Variants in AGRP observed in about 807,000 individuals in gnomAD.
The protein encoded by AGRP is agouti-related protein.
Under a neutral mutation model 13.6 loss-of-function variants are expected in AGRP, and 8 were observed. That is an observed-to-expected ratio of 0.59 (90% confidence interval 0.35 to 1.06). The LOEUF (loss-of-function observed/expected upper bound fraction) is 1.06. Among genes scored for constraint, AGRP ranks in the 50% least tolerant of loss-of-function variants. AGRP has a pLI of 0.02. For synonymous variants in AGRP, 63 were observed against 72.4 expected (o/e 0.87, Z 0.66); for missense variants, 155 against 174.8 (o/e 0.89, Z 0.64).
chr16:67,482,621 C>T lies in AGRP; in HGVS notation c.*15G>A. Reference sequence around the variant, plus strand: ...TCCTTGCCCCTACCCTAGCCCCGACCCTGACGTTGGCCAGCTAGGTGCGGC... The same window carrying T: ...TCCTTGCCCCTACCCTAGCCCCGACTCTGACGTTGGCCAGCTAGGTGCGGC... On this transcript the variant is annotated 3_prime_UTR_variant, in exon 4 of 4. Transcript: ENST00000290953. 1 of 1,614,136 alleles carries T rather than the reference C, an allele frequency of 6.2e-7. No homozygotes were observed.
intron 3 of AGRP, 96 bp downstream of exon 3, chr16:67,482,929 C>T (rs2041518257): frequency 3.8e-6 from 6 of 1,565,528 alleles, no homozygotes; most frequent in African/African-American, 1.4e-5. Context: ...TCGGTAGTGT[C>T]GTCGCTGGTG....
intron 3 of AGRP, 45 bp from the exon 4 acceptor site, chr16:67,482,863 G>C (rs771375426): frequency 1.2e-6 from 2 of 1,609,272 alleles, no homozygotes; most frequent in Admixed American, 3.3e-5. Flanking sequence ...GACAGATCCA[G>C]GGATCTTACC....
rs140670389 is a variant in AGRP, at chr16:67,482,750, C to T, written c.285G>A (p.Leu95=). 85 of 1,614,096 alleles carry T rather than the reference C, an allele frequency of 5.3e-5. No homozygotes were observed. The highest frequency in any genetic ancestry group is 6.9e-5 in the Non-Finnish European group (81 of 1,180,046). The change falls in exon 4 of 4, where the codon CTG becomes CTA. Residue 95 remains leucine, a synonymous_variant. Coordinates refer to ENST00000290953, the MANE Select transcript of AGRP (RefSeq NM_001138.2). ...RRCVRLHESC[L]GQQVPCCDPC... ...GGTCACAGCAAGGCACCTGCTGTCC[C>T]AGGCAGGACTCATGCAGCCTTACGC...
Position 67,483,363 on chromosome 16 carries a change from C to T in AGRP, c.36G>A (p.Leu12=), listed in dbSNP as rs1175270547. ...CTCCTCGCGTGGCAGGCAGTGCCAG[C>T]AGCAGGGCACAGCTCAGCACCGCTG... ...LTAAVLSCAL[L]LALPATRGAQ... is the part of the protein sequence containing the mutation. The change falls in exon 2 of 4, where the codon CTG becomes CTA. Residue 12 remains leucine (L), a synonymous_variant. Transcript: ENST00000290953. 2 of 1,545,988 alleles carry T rather than the reference C, an allele frequency of 1.3e-6. No individual in the cohort carries two copies. The highest frequency in any genetic ancestry group is 2.0e-5 in the Admixed American group (1 of 49,182).
Position 67,482,576 on chromosome 16 carries a change from T to C in AGRP, c.*60A>G, listed in dbSNP as rs1317066007. On this transcript the variant is annotated 3_prime_UTR_variant, in exon 4 of 4. Coordinates refer to ENST00000290953, the MANE Select transcript of AGRP (RefSeq NM_001138.2). ...GAAATAACCACAGCCTTGGGGTTGGTCCCATCCTTTATTCGAGTTTCCTTG... is the reference window on the plus strand; with the variant it reads ...GAAATAACCACAGCCTTGGGGTTGGCCCCATCCTTTATTCGAGTTTCCTTG... 2 of 1,596,232 alleles carry C rather than the reference T, an allele frequency of 1.3e-6. No individual in the cohort carries two copies. The highest frequency in any genetic ancestry group is 2.7e-5 in the African/African-American group (2 of 74,464).
chr16:67,483,145 G>A (rs1307087944), intron 2 of AGRP, 35 bp from the exon 3 acceptor site: 5 of 1,612,090 alleles, frequency 3.1e-6, no homozygotes, highest in South Asian at 1.1e-5. Context: ...GAACCCCCAT[G>A]CACAAAGCAC....
Position 67,482,787 on chromosome 16 carries a change from G to A in AGRP, c.248C>T (p.Ser83Phe). 6.2e-7 allele frequency: 1 copy of A among 1,614,146 alleles called. No individual in the cohort carries two copies. Among genetic ancestry groups the A allele is most frequent in the Non-Finnish European group, 8.5e-7 (1 of 1,180,022 alleles). Residue 83 changes from serine to phenylalanine, a missense_variant, in exon 4 of 4, where the codon TCC becomes TTC. Transcript: ENST00000290953. ...ATGCAGCCTTACGCAGCGACGTGAGGAGCGGGGCTCGCGGTCCTGCAGGTC... is the reference window on the plus strand; with the variant it reads ...ATGCAGCCTTACGCAGCGACGTGAGAAGCGGGGCTCGCGGTCCTGCAGGTC... ...VLDLQDREPR[S>F]SRRCVRLHES...
chr16:67,482,936 G>A, intron 3 of AGRP, 89 bp downstream of exon 3: 1 of 1,564,966 alleles, frequency 6.4e-7, no homozygotes, highest in Non-Finnish European at 8.8e-7. Context: ...TGTCGTCGCT[G>A]GTGAGGGAGT....
Position 67,482,627 on chromosome 16 carries a change from G to A in AGRP, c.*9C>T, listed in dbSNP as rs746966710. On this transcript the variant is annotated 3_prime_UTR_variant, in exon 4 of 4. Coordinates refer to ENST00000290953, the MANE Select transcript of AGRP (RefSeq NM_001138.2). Reference sequence around the variant, plus strand: ...CCCCTACCCTAGCCCCGACCCTGACGTTGGCCAGCTAGGTGCGGCTGCAGG... The same window carrying A: ...CCCCTACCCTAGCCCCGACCCTGACATTGGCCAGCTAGGTGCGGCTGCAGG... The A allele has an allele frequency of 6.2e-6, 10 of 1,613,998 alleles. No homozygotes were observed. Among genetic ancestry groups the A allele is most frequent in the South Asian group, 3.3e-5 (3 of 91,086 alleles).
intron 3 of AGRP, 80 bp from the exon 4 acceptor site, chr16:67,482,898 G>A (rs2041517143): frequency 2.5e-6 from 4 of 1,582,462 alleles, no homozygotes; most frequent in East Asian, 4.5e-5. Context: ...CAGGATGGCA[G>A]TGGAGCATGG....
At chr16:67,483,428 TAG>T in intron 1 of AGRP, 27 bp from the exon 2 acceptor site, 1 of 1,494,970 alleles carries the variant, frequency 6.7e-7, no homozygotes, top group East Asian at 2.3e-5. Flanking sequence ...ATGTACCACT[TAG>T]TCCCTCCTTA....
Position 67,483,377 on chromosome 16 carries a change from TC to T in AGRP, c.21del (p.Ser8AlafsTer44). 1 of 1,530,566 alleles carries T rather than the reference TC, an allele frequency of 6.5e-7. No individual in the cohort carries two copies. The highest frequency in any genetic ancestry group is 8.8e-7 in the Non-Finnish European group (1 of 1,140,380). The allele number at this position is 1,530,566 out of a possible 1,614,324, so 94.8% of individuals were successfully genotyped here. A position where few individuals can be genotyped will look rare whatever the true frequency, so the allele number is the denominator to read the frequency against. On this transcript the variant is annotated frameshift_variant, in exon 2 of 4. Transcript: ENST00000290953. LOFTEE classifies it high-confidence loss of function. MLTAAV[L>X]SCALLLALPA... ...GGCAGTGCCAGCAGCAGGGCACAGCTCAGCACCGCTGCGGTCAGCATGGCCT... is the reference window on the plus strand; with the variant it reads ...GGCAGTGCCAGCAGCAGGGCACAGCTAGCACCGCTGCGGTCAGCATGGCCT...
rs200972106 is a variant in AGRP at position 67,482,700 on chromosome 16, A to T, written c.335T>A (p.Phe112Tyr). ...CDPCATCYCR[F>Y]FNAFCYCRKL... ...GCGGCAGTAGCAGAAGGCATTGAAG[A>T]AGCGGCAGTAGCACGTGGCACATGG... The change falls in exon 4 of 4, where the codon TTC becomes TAC. Residue 112 changes from phenylalanine (F) to tyrosine (Y), a missense_variant. Transcript: ENST00000290953. 42 of 1,614,208 alleles carry T rather than the reference A, an allele frequency of 2.6e-5. No individual in the cohort carries two copies. The East Asian group carries it at 9.1e-4, about 35-fold the overall frequency.
In AGRP at chr16:67,482,693, A is replaced by G. The variant is rs199826914; in HGVS notation, c.342T>C (p.Asn114=). ...PCATCYCRFF[N]AFCYCRKLGT... is the part of the protein sequence containing the mutation. ...CCAGCTTGCGGCAGTAGCAGAAGGC[A>G]TTGAAGAAGCGGCAGTAGCACGTGG... The change falls in exon 4 of 4, where the codon AAT becomes AAC. Residue 114 remains asparagine (N), a synonymous_variant. Transcript: ENST00000290953. The G allele has an allele frequency of 2.6e-4, 412 of 1,614,188 alleles. 4 individuals are homozygous for G. In the South Asian group the frequency reaches 2.9e-3, roughly 11 times the overall value.
chr16:67,482,904 C>T lies in AGRP; in HGVS notation c.217-86G>A, dbSNP rs2041517398. On this transcript the variant is annotated intron_variant, in intron 3 of 3. Coordinates refer to ENST00000290953, the MANE Select transcript of AGRP (RefSeq NM_001138.2). Reference sequence around the variant, plus strand: ...CAACCTGTGCAGGATGGCAGTGGAGCATGGGAAGGGGTGGTCGGTAGTGTC... The same window carrying T: ...CAACCTGTGCAGGATGGCAGTGGAGTATGGGAAGGGGTGGTCGGTAGTGTC... 5.1e-6 allele frequency: 8 copies of T among 1,579,206 alleles called. No homozygotes were observed. In the South Asian group the frequency reaches 7.8e-5, roughly 15 times the overall value.
intron 3 of AGRP, 91 bp from the exon 4 acceptor site, chr16:67,482,909 GA>G (rs2041517584): frequency 6.3e-7 from 1 of 1,576,640 alleles, no homozygotes; most frequent in African/African-American, 1.3e-5. Context: ...TGGAGCATGG[GA>G]AGGGGTGGTC....
chr16:67,482,762 A>G lies in AGRP; in HGVS notation c.273T>C (p.His91=). Residue 91 remains histidine, a synonymous_variant, in exon 4 of 4, where the codon CAT becomes CAC. Transcript: ENST00000290953. ...PRSSRRCVRL[H]ESCLGQQVPC... is the part of the protein sequence containing the mutation. ...GCACCTGCTGTCCCAGGCAGGACTCATGCAGCCTTACGCAGCGACGTGAGG... is the reference window on the plus strand; with the variant it reads ...GCACCTGCTGTCCCAGGCAGGACTCGTGCAGCCTTACGCAGCGACGTGAGG... 2 of 1,614,188 alleles carry G rather than the reference A, an allele frequency of 1.2e-6. No individual in the cohort carries two copies. The highest frequency in any genetic ancestry group is 1.7e-6 in the Non-Finnish European group (2 of 1,180,020).
chr16:67,482,890 G>A (rs2041516924), intron 3 of AGRP, 72 bp from the exon 4 acceptor site: 1 of 1,588,888 alleles, frequency 6.3e-7, no homozygotes, highest in South Asian at 1.1e-5. Context: ...AACCTGTGCA[G>A]GATGGCAGTG....
intron 1 of AGRP, 22 bp from the exon 2 acceptor site, chr16:67,483,423 C>T: frequency 6.7e-7 from 1 of 1,497,050 alleles, no homozygotes; most frequent in Non-Finnish European, 8.9e-7. Flanking sequence ...GGAAGATGTA[C>T]CACTTAGTCC....
Sources: gnomAD v4.1 joint callset for allele counts on GRCh38, gnomAD v4.1.1 for gene constraint, MANE v1.5 for transcripts, NCBI Gene and HGNC (gene_info 2026-07-23, HGNC 2026-07-21) for gene names.